Variants in ADGRB1 observed in about 807,000 individuals in gnomAD.
ADGRB1 encodes brain-specific angiogenesis inhibitor 1.
A neutral mutation model predicts 175.7 loss-of-function variants in ADGRB1; 36 were observed. The ratio of observed to expected loss-of-function variants is 0.20; its 90% CI spans 0.16 to 0.27. The LOEUF (loss-of-function observed/expected upper bound fraction) is 0.27. ADGRB1 is among the 10% of genes least tolerant of loss of function. The pLI is 1.00. For missense variants in ADGRB1, 1,731 were observed against 2,255.3 expected (o/e 0.77, Z 4.71); for synonymous variants, 1,054 against 979.4 (o/e 1.08, Z -1.42).
intron 13 of ADGRB1, among the ~76,000 whole-genome samples, chr8:142,485,118 G>A (rs1841598192): frequency 6.6e-6 from 1 of 152,216 alleles, no homozygotes. Flanking sequence ...CTGCTTGTCA[G>A]TCCCAGTAGT....
In ADGRB1 at chr8:142,504,897, G is replaced by T. The variant is rs1280977663; in HGVS notation, c.2676-6035G>T. On this transcript the variant is annotated intron_variant, in intron 17 of 30. Coordinates refer to ENST00000517894, the MANE Select transcript of ADGRB1 (RefSeq NM_001702.3). This position sits in a 1 kb window ranked among gnomAD's most constrained non-coding sequence, Gnocchi z 5.6. The stretch of plus-strand genomic sequence containing the variant: ...CTGCGGTGTGCTGTGCCCACTCCTG[G>T]CTTCTTTCTGTTATGTGGGAGGACA... Among the ~76,000 whole-genome samples, 1 of 152,130 alleles carries T rather than the reference G, an allele frequency of 6.6e-6. No homozygotes were observed. The highest frequency in any genetic ancestry group is 6.5e-5 in the Admixed American group (1 of 15,278).
At chr8:142,524,104 A>C in intron 22 of ADGRB1, 134 bp from the exon 23 acceptor site, 1 of 952,626 alleles carries the variant, frequency 1.0e-6, no homozygotes, top group Non-Finnish European at 1.6e-6. Flanking sequence ...CCTGCCCTGC[A>C]TGCCGAAGGC....
At chr8:142,544,084 A>C in intron 30 of ADGRB1, 136 bp from the exon 31 acceptor site, 1 of 927,308 alleles carries the variant, frequency 1.1e-6, no homozygotes. Context: ...TGAAAGCCTC[A>C]TCCTGTCCCC....
At chr8:142,524,341 A>G (rs765859333) in intron 23 of ADGRB1, 37 bp downstream of exon 23, 6 of 1,549,334 alleles carry the variant, frequency 3.9e-6, no homozygotes, top group Non-Finnish European at 4.3e-6. Flanking sequence ...CCACGACCCC[A>G]CCTGGGCCCC....
At chr8:142,499,424 C>T (rs1842379851) in intron 17 of ADGRB1, among the ~76,000 whole-genome samples, 2 of 152,378 alleles carry the variant, frequency 1.3e-5, no homozygotes, top group Admixed American at 1.3e-4. Flanking sequence ...AAAAGAGCGC[C>T]ACCCTTGGGG....
intron 10 of ADGRB1, 51 bp from the exon 11 acceptor site, chr8:142,481,466 C>T: frequency 2.5e-6 from 4 of 1,579,232 alleles, no homozygotes; most frequent in Non-Finnish European, 3.5e-6. Context: ...GGGTGGCTGC[C>T]TGGACATGTT....
At chr8:142,479,510 T>G in intron 8 of ADGRB1, 23 bp downstream of exon 8, 1 of 1,526,292 alleles carries the variant, frequency 6.6e-7, no homozygotes, top group Non-Finnish European at 8.8e-7. Context: ...CTACCTGGGC[T>G]GGGCTCTGGG....
In ADGRB1 at chr8:142,542,744, G is replaced by C; in HGVS notation, c.4413+97G>C. ...GGGTGGGACCCCCACGCCGTCAGCG[G>C]GGCGGGCTGGCTCTGCCTCCTAGCT... On this transcript the variant is annotated intron_variant, in intron 28 of 30. Coordinates refer to ENST00000517894, the MANE Select transcript of ADGRB1 (RefSeq NM_001702.3). This position sits in a 1 kb window ranked among gnomAD's most constrained non-coding sequence, Gnocchi z 6.3. 2.5e-6 allele frequency: 3 copies of C among 1,192,286 alleles called. No homozygotes were observed. In the African/African-American group the frequency reaches 4.8e-5, roughly 19 times the overall value. 73.9% of individuals were successfully genotyped at this position (1,192,286 alleles called of 1,614,324 possible).
chr8:142,524,196 C>T (rs769507399), intron 22 of ADGRB1, 42 bp from the exon 23 acceptor site: 4 of 1,578,552 alleles, frequency 2.5e-6, no homozygotes, highest in East Asian at 2.3e-5. Flanking sequence ...TCTGCACGCC[C>T]CTCTGCACAC....
intron 19 of ADGRB1, among the ~76,000 whole-genome samples, chr8:142,518,651 G>T (rs547581268): frequency 6.6e-6 from 1 of 152,360 alleles, no homozygotes; most frequent in Non-Finnish European, 1.5e-5. Context: ...AGGCCACAGG[G>T]CTCTCAGCCT....
intron 1 of ADGRB1, among the ~76,000 whole-genome samples, chr8:142,451,766 G>A (rs1171721928): frequency 1.3e-5 from 2 of 152,116 alleles, no homozygotes; most frequent in African/African-American, 4.8e-5. Context: ...GGAGGGAGGT[G>A]GTATACGGTG....
intron 1 of ADGRB1, among the ~76,000 whole-genome samples, chr8:142,458,899 T>C (rs1351131448): frequency 2.0e-5 from 3 of 152,214 alleles, no homozygotes; most frequent in African/African-American, 7.2e-5. Context: ...TGGAAACCAA[T>C]GACCAGAGAA....
chr8:142,495,479 A>T (rs1842171075), intron 17 of ADGRB1, among the ~76,000 whole-genome samples: 1 of 152,180 alleles, frequency 6.6e-6, no homozygotes, highest in Non-Finnish European at 1.5e-5. Flanking sequence ...TTAAAACAAC[A>T]GATATCTATT....
At chr8:142,479,567 G>T in intron 8 of ADGRB1, 80 bp downstream of exon 8, 1 of 1,518,664 alleles carries the variant, frequency 6.6e-7, no homozygotes, top group Non-Finnish European at 8.8e-7. Context: ...TGTCACCCAC[G>T]TGGTGTGTTG....
intron 25 of ADGRB1, among the ~76,000 whole-genome samples, chr8:142,533,874 A>T (rs974832028): frequency 5.9e-5 from 9 of 152,294 alleles, no homozygotes; most frequent in African/African-American, 2.2e-4. Flanking sequence ...TTTTCACCAA[A>T]CTACATCCCA....
intron 27 of ADGRB1, among the ~76,000 whole-genome samples, chr8:142,540,547 T>A (rs923020184): frequency 2.0e-5 from 3 of 150,342 alleles, no homozygotes; most frequent in African/African-American, 4.9e-5. Context: ...GTGGGCGGGG[T>A]GCCAGCGAGG....
intron 18 of ADGRB1, 53 bp from the exon 19 acceptor site, chr8:142,518,085 G>C (rs941333494): frequency 6.4e-7 from 1 of 1,567,712 alleles, no homozygotes; most frequent in African/African-American, 1.3e-5. Context: ...CGGGTCTGCC[G>C]AGTGGGCGAG....
intron 12 of ADGRB1, 83 bp from the exon 13 acceptor site, chr8:142,484,573 A>G (rs1034470603): frequency 3.0e-5 from 40 of 1,343,564 alleles, no homozygotes; most frequent in Non-Finnish European, 3.9e-5. Flanking sequence ...CAATAAGAAA[A>G]GGAGGGACAG....
rs529056539 is a variant in ADGRB1 at position 142,504,787 on chromosome 8, G to T, written c.2676-6145G>T. ...GGCACTGGGGAGGCCAGCCCATTAA[G>T]GCTCCTGAGGCCAGGCCTAGAAGCC... On this transcript the variant is annotated intron_variant, in intron 17 of 30. Coordinates refer to ENST00000517894, the MANE Select transcript of ADGRB1 (RefSeq NM_001702.3). This position sits in a 1 kb window ranked among gnomAD's most constrained non-coding sequence, Gnocchi z 5.6. Among the ~76,000 whole-genome samples, 343 of 152,070 alleles carry T rather than the reference G, an allele frequency of 2.3e-3. 1 individual carries two copies. Among genetic ancestry groups the T allele is most frequent in the Middle Eastern group, 3.4e-3 (1 of 294 alleles).
Sources: allele counts gnomAD v4.1 joint callset (sites outside exome capture counted in the v4.1 genomes callset), GRCh38; gene constraint gnomAD v4.1.1; non-coding constraint Gnocchi (gnomAD v3.1); transcripts MANE v1.5; gene names NCBI Gene and HGNC (gene_info 2026-07-23, HGNC 2026-07-21).